The following RASGRP2 variants were observed in gnomAD, a reference collection of about 807,000 sequenced individuals.
The protein encoded by RASGRP2 is RAS guanyl-releasing protein 2.
RASGRP2 carries 44 observed loss-of-function variants against 71.0 expected under a neutral mutation model. The observed-to-expected ratio is 0.62, with a 90% CI of 0.49 to 0.80. The LOEUF (loss-of-function observed/expected upper bound fraction) is 0.80, where lower values mean the gene tolerates loss of function less well. Among genes scored for constraint, RASGRP2 ranks in the 30% least tolerant of loss-of-function variants. The pLI is 0.00. For synonymous variants in RASGRP2, 350 were observed against 330.7 expected, an observed-to-expected ratio of 1.06 and a Z score of -0.63; for missense variants, 663 against 813.4, an observed-to-expected ratio of 0.82 and a Z score of 2.25.
rs188015021 is a variant in RASGRP2 at position 64,743,394 on chromosome 11, G to C, written c.-71-457C>G. 1.1e-3 allele frequency: 408 copies of C among 370,502 alleles called. No individual in the cohort carries two copies. Among genetic ancestry groups the C allele is most frequent in the African/African-American group, 7.3e-3 (343 of 46,746 alleles). 23.0% of individuals were successfully genotyped at this position (370,502 alleles called of 1,614,324 possible). On this transcript the variant is annotated intron_variant, in intron 1 of 16. Coordinates refer to ENST00000394432, the MANE Select transcript of RASGRP2 (RefSeq NM_001098671.2). The surrounding 1 kb of genome is among the most constrained non-coding windows in gnomAD (Gnocchi z 4.9). ...CTCGGAGGAATTTCTCCCTGGTATG[G>C]GAGGTGGGGGGAGAGAACCCAGGCG...
chr11:64,743,112 G>C lies in RASGRP2; in HGVS notation c.-71-175C>G. 1.3e-6 allele frequency: 1 copy of C among 743,970 alleles called. No individual in the cohort carries two copies. The highest frequency in any genetic ancestry group is 2.3e-6 in the Non-Finnish European group (1 of 430,142). The allele number at this position is 743,970 out of a possible 1,614,324, so 46.1% of individuals were successfully genotyped here. ...CGGGATGGTGCAACCCGCCAGTTGG[G>C]AAACGGACCCGCAGAGAGGCTTCCG... On this transcript the variant is annotated intron_variant, in intron 1 of 16. Coordinates refer to ENST00000394432, the MANE Select transcript of RASGRP2 (RefSeq NM_001098671.2). The surrounding 1 kb of genome is among the most constrained non-coding windows in gnomAD (Gnocchi z 4.9).
chr11:64,743,197 A>C lies in RASGRP2; in HGVS notation c.-71-260T>G. Reference sequence around the variant, plus strand: ...TTCACGAGGATGGGGACGAACCAAGATCCCAGGACTGGCTGGCGCCCAGCC... The same window carrying C: ...TTCACGAGGATGGGGACGAACCAAGCTCCCAGGACTGGCTGGCGCCCAGCC... On this transcript the variant is annotated intron_variant, in intron 1 of 16. Transcript: ENST00000394432. The surrounding 1 kb of genome is among the most constrained non-coding windows in gnomAD (Gnocchi z 4.9). The C allele has an allele frequency of 1.8e-6, 1 of 552,678 alleles. No homozygotes were observed. The highest frequency in any genetic ancestry group is 3.5e-6 in the Non-Finnish European group (1 of 289,662). The allele number at this position is 552,678 out of a possible 1,614,324, so 34.2% of individuals were successfully genotyped here.
At chr11:64,738,664 C>T (rs546496748) in intron 8 of RASGRP2, among the ~76,000 whole-genome samples, 11 of 152,080 alleles carry the variant, frequency 7.2e-5, no homozygotes, top group Admixed American at 7.2e-4. Context: ...GTCTCAAACT[C>T]CTGATGTCAC....
chr11:64,733,964 G>T (rs1256034926), intron 12 of RASGRP2, among the ~76,000 whole-genome samples: 1 of 149,766 alleles, frequency 6.7e-6, no homozygotes, highest in Non-Finnish European at 1.5e-5. Context: ...GGTTCCTCCT[G>T]CCTCAGCCTC....
chr11:64,730,193 C>T lies in RASGRP2; in HGVS notation c.1414G>A (p.Asp472Asn), dbSNP rs764997166. The T allele has an allele frequency of 1.5e-4, 228 of 1,551,530 alleles. No individual in the cohort carries two copies. The highest frequency in any genetic ancestry group is 4.0e-5 in the Non-Finnish European group (46 of 1,147,026). The change falls in exon 13 of 17, where the codon GAT becomes AAT. Residue 472 changes from aspartate (D) to asparagine (N), a missense_variant and splice_region_variant. Transcript: ENST00000394432. ...SAFGDLDQNQ[D>N]GCISREEMVS... ...ATCTCCTCCCTGCTGATGCAGCCAT[C>T]CCTGTGGGGAGTTGCGGGGGCGCTT...
Position 64,743,699 on chromosome 11 carries a change from C to A in RASGRP2, c.-72+304G>T. The A allele has an allele frequency of 2.7e-6, 1 of 376,526 alleles. No individual in the cohort carries two copies. Among genetic ancestry groups the A allele is most frequent in the South Asian group, 1.9e-5 (1 of 51,942 alleles). The allele number at this position is 376,526 out of a possible 1,614,324, so 23.3% of individuals were successfully genotyped here. A position where few individuals can be genotyped will look rare whatever the true frequency, so the allele number is the denominator to read the frequency against. On this transcript the variant is annotated intron_variant, in intron 1 of 16. Transcript: ENST00000394432. This position sits in a 1 kb window ranked among gnomAD's most constrained non-coding sequence, Gnocchi z 4.9. ...TCCTGACCCTGGCCCCGGCCCCGCA[C>A]AGGCGAACTGTGAGCGCGCACGGAG...
chr11:64,730,788 G>C (rs530565741), intron 12 of RASGRP2, among the ~76,000 whole-genome samples: 1 of 152,360 alleles, frequency 6.6e-6, no homozygotes, highest in African/African-American at 2.4e-5. Context: ...TTGACCTGTA[G>C]CGGAGTAATC....
Position 64,743,145 on chromosome 11 carries a change from C to A in RASGRP2, c.-71-208G>T. 1.5e-6 allele frequency: 1 copy of A among 650,834 alleles called. No individual in the cohort carries two copies. Among genetic ancestry groups the A allele is most frequent in the East Asian group, 3.1e-5 (1 of 31,900 alleles). 40.3% of individuals were successfully genotyped at this position (650,834 alleles called of 1,614,324 possible). A position where few individuals can be genotyped will look rare whatever the true frequency, so the allele number is the denominator to read the frequency against. On this transcript the variant is annotated intron_variant, in intron 1 of 16. Coordinates refer to ENST00000394432, the MANE Select transcript of RASGRP2 (RefSeq NM_001098671.2). This position sits in a 1 kb window ranked among gnomAD's most constrained non-coding sequence, Gnocchi z 4.9. ...CCCGCAGAGAGGCTTCCGGCCCACCCTCGGAGTCGCGGGAAGGCCGAGGGG... is the reference window on the plus strand; with the variant it reads ...CCCGCAGAGAGGCTTCCGGCCCACCATCGGAGTCGCGGGAAGGCCGAGGGG...
Position 64,739,447 on chromosome 11 carries a change from C to G in RASGRP2, c.726G>C (p.Thr242=). The G allele has an allele frequency of 6.2e-7, 1 of 1,614,128 alleles. No homozygotes were observed. The highest frequency in any genetic ancestry group is 8.5e-7 in the Non-Finnish European group (1 of 1,180,024). Reference sequence around the variant, plus strand: ...TCAGGCCCCCGACCACTGCCATCAGCGTGTTGAAGTTCTGCAGCTGTAGCA... The same window carrying G: ...TCAGGCCCCCGACCACTGCCATCAGGGTGTTGAAGTTCTGCAGCTGTAGCA... ...EKLLQLQNFN[T]LMAVVGGLSH... is the part of the protein sequence containing the mutation. The change falls in exon 8 of 17, where the codon ACG becomes ACC. Residue 242 remains threonine, a synonymous_variant. Coordinates refer to ENST00000394432, the MANE Select transcript of RASGRP2 (RefSeq NM_001098671.2). The surrounding 1 kb of genome is among the most constrained non-coding windows in gnomAD (Gnocchi z 4.2).
chr11:64,728,636 T>C (rs2057653809), intron 15 of RASGRP2, among the ~76,000 whole-genome samples: 3 of 151,948 alleles, frequency 2.0e-5, no homozygotes, highest in Admixed American at 2.0e-4. Context: ...GGTTTCACCG[T>C]GTTAGCCAGG....
In RASGRP2 at chr11:64,742,718, T is replaced by C; in HGVS notation, c.73+76A>G. ...TCCGGGTCAGGGCTGTGCCCTGGAC[T>C]GTGCCTGGGAGGCAGGGACCCGGGC... On this transcript the variant is annotated intron_variant, in intron 2 of 16. Coordinates refer to ENST00000394432, the MANE Select transcript of RASGRP2 (RefSeq NM_001098671.2). This position sits in a 1 kb window ranked among gnomAD's most constrained non-coding sequence, Gnocchi z 4.7. 1 of 1,544,652 alleles carries C rather than the reference T, an allele frequency of 6.5e-7. No individual in the cohort carries two copies. Among genetic ancestry groups the C allele is most frequent in the Non-Finnish European group, 8.8e-7 (1 of 1,141,384 alleles).
Position 64,740,155 on chromosome 11 carries a change from T to C in RASGRP2, c.380A>G (p.Tyr127Cys). 6.2e-7 allele frequency: 1 copy of C among 1,613,950 alleles called. No individual in the cohort carries two copies. The highest frequency in any genetic ancestry group is 8.5e-7 in the Non-Finnish European group (1 of 1,179,962). Reference protein sequence around the residue: ...SLIDIDSVPTYKWKRQVTQRN... With the variant: ...SLIDIDSVPTCKWKRQVTQRN... ...CTGAGTCACCTGCCGCTTCCACTTG[T>C]AGGTAGGGCTGGGGGGGCAGGGGTA... is the stretch of plus-strand genomic sequence containing the variant. The change falls in exon 6 of 17, where the codon TAC becomes TGC. Residue 127 changes from tyrosine to cysteine, a missense_variant. Tyr to Cys is a radical substitution (Grantham distance 194, BLOSUM62 -2). Coordinates refer to ENST00000394432, the MANE Select transcript of RASGRP2 (RefSeq NM_001098671.2).
At chr11:64,729,204 A>G (rs1305336556) in intron 14 of RASGRP2, among the ~76,000 whole-genome samples, 162 bp from the exon 15 acceptor site, 1 of 152,152 alleles carries the variant, frequency 6.6e-6, no homozygotes, top group Non-Finnish European at 1.5e-5. Context: ...CCTAATTGTC[A>G]GTCTATGCCT....
chr11:64,743,302 G>T lies in RASGRP2; in HGVS notation c.-71-365C>A. ...CGCAGCTCGGCTCTGCGCCCCTCCC[G>T]CTTCCCTCCCTCCACAGCCTCCCTT... On this transcript the variant is annotated intron_variant, in intron 1 of 16. Coordinates refer to ENST00000394432, the MANE Select transcript of RASGRP2 (RefSeq NM_001098671.2). The surrounding 1 kb of genome is among the most constrained non-coding windows in gnomAD (Gnocchi z 4.9). The T allele has an allele frequency of 2.2e-6, 1 of 461,806 alleles. No homozygotes were observed. Among genetic ancestry groups the T allele is most frequent in the Non-Finnish European group, 4.3e-6 (1 of 231,916 alleles). 28.6% of individuals were successfully genotyped at this position (461,806 alleles called of 1,614,324 possible). A position where few individuals can be genotyped will look rare whatever the true frequency, so the allele number is the denominator to read the frequency against.
At chr11:64,736,080 C>A (rs796825438) in intron 9 of RASGRP2, 100 bp from the exon 10 acceptor site, 3 of 919,318 alleles carry the variant, frequency 3.3e-6, no homozygotes, top group African/African-American at 3.2e-5. Flanking sequence ...GCTCAGAGCT[C>A]GGGTCAGAAG....
intron 12 of RASGRP2, among the ~76,000 whole-genome samples, chr11:64,733,407 C>A (rs960399640): frequency 7.1e-6 from 1 of 140,198 alleles, no homozygotes; most frequent in African/African-American, 2.9e-5. Flanking sequence ...CACACACACA[C>A]ACACACACAC....
intron 12 of RASGRP2, among the ~76,000 whole-genome samples, chr11:64,732,091 T>C (rs1028083625): frequency 1.4e-4 from 21 of 152,184 alleles, no homozygotes; most frequent in African/African-American, 5.1e-4. Context: ...TGGAATACTC[T>C]GCAGCTGTTC....
chr11:64,741,780 G>A (rs752187593), intron 3 of RASGRP2, among the ~76,000 whole-genome samples: 1 of 152,200 alleles, frequency 6.6e-6, no homozygotes, highest in Non-Finnish European at 1.5e-5. Context: ...ACTCTAGGGA[G>A]AAGGAGGGCA....
rs201340963 is a variant in RASGRP2 at position 64,741,085 on chromosome 11, G to A, written c.240-6C>T. 2,797 of 1,611,902 alleles carry A rather than the reference G, an allele frequency of 1.7e-3. 61 individuals carry two copies. In the South Asian group the frequency reaches 0.029, roughly 17 times the overall value. ...GGAAGGCGGAGATCCAGTACCTGGA[G>A]GAGCGGGGAGTCACCCAAGATAGCC... On this transcript the variant is annotated splice_region_variant and splice_polypyrimidine_tract_variant and intron_variant, in intron 4 of 16. Coordinates refer to ENST00000394432, the MANE Select transcript of RASGRP2 (RefSeq NM_001098671.2).
Sources: gnomAD v4.1 joint callset for allele counts (sites outside exome capture counted in the v4.1 genomes callset) on GRCh38, gnomAD v4.1.1 for gene constraint, Gnocchi (gnomAD v3.1) non-coding constraint, MANE v1.5 for transcripts, NCBI Gene and HGNC (gene_info 2026-07-23, HGNC 2026-07-21) for gene names.